The following CNTLN variants were observed in gnomAD, a reference collection of about 807,000 sequenced individuals.
CNTLN encodes centlein, also known as centlein, centrosomal protein.
Under a neutral mutation model 180.0 loss-of-function variants are expected in CNTLN, and 212 were observed. That is an observed-to-expected ratio of 1.18 (90% CI 1.05 to 1.32). The LOEUF (loss-of-function observed/expected upper bound fraction) is 1.32, where lower values mean the gene tolerates loss of function less well. CNTLN is among the 40% of genes most tolerant of loss of function. The probability of loss-of-function intolerance (pLI) is 0.00; values close to 1 mark genes in which losing one functional copy is unlikely to be tolerated. For synonymous variants in CNTLN, 722 were observed against 563.1 expected (o/e 1.28, Z -3.99); for missense variants, 2,095 against 1,610.9 (o/e 1.30, Z -5.14).
intron 25 of CNTLN, among the ~76,000 whole-genome samples, chr9:17,487,934 T>C (rs1832973354): frequency 6.6e-6 from 1 of 152,270 alleles, no homozygotes; most frequent in African/African-American, 2.4e-5. Context: ...TTTTTCATTA[T>C]AGTTCTTTCG....
chr9:17,526,058 C>T, the CNTLN span, among the ~76,000 whole-genome samples: 2 of 152,172 alleles, frequency 1.3e-5, no homozygotes, highest in Non-Finnish European at 2.9e-5. Context: ...GCCTCAGCCT[C>T]CTGAGTAGCT....
chr9:17,299,537 A>C, intron 7 of CNTLN: 1 of 985,334 alleles, frequency 1.0e-6, no homozygotes, highest in Non-Finnish European at 1.2e-6. Context: ...TTTTTAAATG[A>C]TGCTTTGTAA....
chr9:17,429,608 T>C (rs942678714), intron 18 of CNTLN, among the ~76,000 whole-genome samples: 35 of 152,106 alleles, frequency 2.3e-4, no homozygotes, highest in African/African-American at 7.9e-4. Context: ...AGAATATCCA[T>C]GAGTTAATTG....
At chr9:17,483,124 A>T (rs550849757) in intron 23 of CNTLN, among the ~76,000 whole-genome samples, 1 of 152,148 alleles carries the variant, frequency 6.6e-6, no homozygotes, top group Non-Finnish European at 1.5e-5. Flanking sequence ...AATATATACA[A>T]TAGGCAAATA....
chr9:17,293,494 G>A (rs1168628034), intron 6 of CNTLN, among the ~76,000 whole-genome samples: 1 of 152,208 alleles, frequency 6.6e-6, no homozygotes, highest in African/African-American at 2.4e-5. Flanking sequence ...CCTGCAGGAA[G>A]GTCCCACCCA....
At chr9:17,390,008 A>G (rs1587858435) in intron 14 of CNTLN, among the ~76,000 whole-genome samples, 3 of 152,132 alleles carry the variant, frequency 2.0e-5, no homozygotes, top group Admixed American at 2.0e-4. Flanking sequence ...GTGAAGACAC[A>G]GGGAAAAGAT....
chr9:17,146,005 C>T (rs80308591), intron 2 of CNTLN, among the ~76,000 whole-genome samples: 2,192 of 152,186 alleles, frequency 0.014, 56 homozygotes, highest in African/African-American at 0.051. Context: ...AGTAATGCTA[C>T]CAAGGAGCCC....
chr9:17,278,043 A>G (rs1587462017), intron 6 of CNTLN, among the ~76,000 whole-genome samples: 1 of 152,248 alleles, frequency 6.6e-6, no homozygotes, highest in East Asian at 1.9e-4. Context: ...CAATAAGACC[A>G]ATAACCTTAG....
At chr9:17,505,080 C>A (rs1036707209), downstream of CNTLN, among the ~76,000 whole-genome samples, 3 of 151,908 alleles carry the variant, frequency 2.0e-5, no homozygotes, top group Non-Finnish European at 4.4e-5. Context: ...GCTAAAAATA[C>A]CCCACAATCA....
At chr9:17,383,240 T>C (rs1363433738) in intron 13 of CNTLN, among the ~76,000 whole-genome samples, 1 of 152,168 alleles carries the variant, frequency 6.6e-6, no homozygotes, top group African/African-American at 2.4e-5. Context: ...TTCTTTGTAG[T>C]TGTTACCAAC....
At chr9:17,338,763 C>A (rs1587702117) in intron 10 of CNTLN, among the ~76,000 whole-genome samples, 1 of 152,142 alleles carries the variant, frequency 6.6e-6, no homozygotes, top group South Asian at 2.1e-4. Context: ...TTCTCTATGT[C>A]TTAGAAGAAG....
chr9:17,391,000 C>G (rs1387999371), intron 14 of CNTLN, among the ~76,000 whole-genome samples: 1 of 152,090 alleles, frequency 6.6e-6, no homozygotes, highest in Non-Finnish European at 1.5e-5. Context: ...TAATAAAAGG[C>G]AGGTTAACAC....
chr9:17,333,801 C>G (rs1213385113), intron 10 of CNTLN, among the ~76,000 whole-genome samples: 3 of 152,094 alleles, frequency 2.0e-5, no homozygotes, highest in Admixed American at 2.0e-4. Flanking sequence ...TTATAAAGAA[C>G]TTAGATAAAC....
At chr9:17,171,410 T>C (rs890611229) in intron 2 of CNTLN, among the ~76,000 whole-genome samples, 2 of 152,194 alleles carry the variant, frequency 1.3e-5, no homozygotes, top group Non-Finnish European at 2.9e-5. Context: ...ATAGTCTCCA[T>C]GCAGTTTTGT....
Position 17,454,430 on chromosome 9 carries a change from T to C in CNTLN, c.3115-3094T>C, listed in dbSNP as rs138282252. 1.3e-4 allele frequency among the ~76,000 whole-genome samples: 20 copies of C among 152,340 alleles called. No homozygotes were observed. The East Asian group carries it at 3.3e-3, about 25-fold the overall frequency. On this transcript the variant is annotated intron_variant, in intron 18 of 25. Transcript: ENST00000380647. Reference sequence around the variant, plus strand: ...ATAGAGTCAGAGGAGCATATCTGCCTTCAATACCTGTGTAGTAGTGTAGGA... The same window carrying C: ...ATAGAGTCAGAGGAGCATATCTGCCCTCAATACCTGTGTAGTAGTGTAGGA...
Position 17,226,288 on chromosome 9 carries a change from G to T in CNTLN, c.534+1G>T. ...TGCCAAAATACAAGAATTTGAACAG[G>T]TTGGTGTTATAATAAAAATATTTAA... On this transcript the variant is annotated splice_donor_variant, in intron 3 of 25. Transcript: ENST00000380647. LOFTEE classifies it high-confidence loss of function. 2 of 1,502,730 alleles carry T rather than the reference G, an allele frequency of 1.3e-6. No individual in the cohort carries two copies. The highest frequency in any genetic ancestry group is 1.8e-6 in the Non-Finnish European group (2 of 1,114,710). The allele number at this position is 1,502,730 out of a possible 1,614,324, so 93.1% of individuals were successfully genotyped here.
chr9:17,167,236 A>C (rs193264288), intron 2 of CNTLN: 3 of 163,602 alleles, frequency 1.8e-5, no homozygotes, highest in African/African-American at 4.8e-5. Flanking sequence ...CAGGATTCCA[A>C]ATGTGATGCC....
chr9:17,407,470 T>A (rs1827482793), intron 15 of CNTLN, among the ~76,000 whole-genome samples: 1 of 152,160 alleles, frequency 6.6e-6, no homozygotes, highest in Admixed American at 6.5e-5. Context: ...GAGAGGGATG[T>A]AAAATACGTC....
chr9:17,140,259 C>A (rs1339931171), intron 1 of CNTLN, among the ~76,000 whole-genome samples: 1 of 152,006 alleles, frequency 6.6e-6, no homozygotes, highest in Non-Finnish European at 1.5e-5. Flanking sequence ...AACATAGTTC[C>A]ACAATCCATT....
Sources: gnomAD v4.1 joint callset for allele counts (sites outside exome capture counted in the v4.1 genomes callset) on GRCh38, gnomAD v4.1.1 for gene constraint, MANE v1.5 for transcripts, NCBI Gene and HGNC (gene_info 2026-07-23, HGNC 2026-07-21) for gene names.